Variants in CNTLN observed in about 807,000 individuals in gnomAD.
CNTLN encodes the protein centlein, also known as centlein, centrosomal protein.
Under a neutral mutation model 180.0 loss-of-function variants are expected in CNTLN, and 212 were observed. The observed-to-expected ratio is 1.18, with a 90% CI of 1.05 to 1.32. The LOEUF is 1.32. Among genes scored for constraint, CNTLN ranks in the 40% most tolerant of loss-of-function variants. The pLI is 0.00. For missense variants in CNTLN, 2,095 were observed against 1,610.9 expected (o/e 1.30, Z -5.14); for synonymous variants, 722 against 563.1 (o/e 1.28, Z -3.99).
chr9:17,205,766 G>C (rs917263530), intron 2 of CNTLN, among the ~76,000 whole-genome samples: 3 of 152,202 alleles, frequency 2.0e-5, no homozygotes, highest in Admixed American at 1.3e-4. Flanking sequence ...ATACTGGGAA[G>C]ATATCTGAAT....
intron 2 of CNTLN, among the ~76,000 whole-genome samples, chr9:17,201,923 T>C (rs1441530113): frequency 6.6e-6 from 1 of 152,194 alleles, no homozygotes; most frequent in South Asian, 2.1e-4. Flanking sequence ...TTAATTGACA[T>C]GTTAGGGTGT....
chr9:17,521,307 T>C, the CNTLN span, among the ~76,000 whole-genome samples: 1 of 42,592 alleles, frequency 2.3e-5, no homozygotes, highest in Non-Finnish European at 6.6e-5. Flanking sequence ...AAATGGAACA[T>C]AAAGAATGGT....
At chr9:17,449,361 C>A (rs900496245) in intron 18 of CNTLN, among the ~76,000 whole-genome samples, 2 of 145,476 alleles carry the variant, frequency 1.4e-5, no homozygotes, top group Non-Finnish European at 3.0e-5. Flanking sequence ...TGAGTGAGAA[C>A]ATGCGGTGTT....
chr9:17,486,965 A>G (rs748853609), intron 24 of CNTLN, 24 bp from the exon 25 acceptor site: 24 of 1,294,724 alleles, frequency 1.9e-5, no homozygotes, highest in Non-Finnish European at 2.6e-5. Flanking sequence ...CGTTAACACC[A>G]GTGTTTTTAT....
chr9:17,292,939 C>T (rs77783692), intron 6 of CNTLN, among the ~76,000 whole-genome samples: 1 of 152,170 alleles, frequency 6.6e-6, no homozygotes, highest in Non-Finnish European at 1.5e-5. Context: ...TAGCTTTGAT[C>T]TTTCAGTTTG....
chr9:17,349,621 G>A (rs1822195991), intron 12 of CNTLN, among the ~76,000 whole-genome samples: 1 of 152,082 alleles, frequency 6.6e-6, no homozygotes, highest in South Asian at 2.1e-4. Flanking sequence ...AATATTAGTT[G>A]CTGCTATCGC....
At chr9:17,518,087 G>C in the CNTLN span, among the ~76,000 whole-genome samples, 1 of 110,302 alleles carries the variant, frequency 9.1e-6, no homozygotes, top group Non-Finnish European at 1.7e-5. Flanking sequence ...TTGTCACCCA[G>C]GCTGGAGCAC....
chr9:17,141,753 T>G (rs1367741048), intron 1 of CNTLN, among the ~76,000 whole-genome samples: 3 of 152,022 alleles, frequency 2.0e-5, no homozygotes, highest in Non-Finnish European at 4.4e-5. Context: ...CAGTAGGGTT[T>G]ATTGATGATT....
intron 18 of CNTLN, among the ~76,000 whole-genome samples, chr9:17,441,609 TCAATGAAATA>T (rs899476439): frequency 7.4e-6 from 1 of 134,516 alleles, no homozygotes; most frequent in African/African-American, 2.8e-5. Context: ...AAAAAAAAAA[TCAATGAAATA>T]CAATGAAAGA....
intron 13 of CNTLN, among the ~76,000 whole-genome samples, chr9:17,369,273 T>C (rs933353059): frequency 6.6e-6 from 1 of 152,108 alleles, no homozygotes. Context: ...CCTTCCACCA[T>C]GATTATTAGT....
intron 25 of CNTLN, among the ~76,000 whole-genome samples, chr9:17,500,285 A>G (rs1037624023): frequency 2.0e-5 from 3 of 152,230 alleles, no homozygotes; most frequent in African/African-American, 7.2e-5. Flanking sequence ...TGGACTTCCC[A>G]TTCCACATTG....
At chr9:17,316,839 A>G (rs1819571041) in intron 8 of CNTLN, among the ~76,000 whole-genome samples, 1 of 152,120 alleles carries the variant, frequency 6.6e-6, no homozygotes, top group East Asian at 1.9e-4. Flanking sequence ...GGGGATTATA[A>G]CTAACAATTT....
At chr9:17,471,361 G>C (rs1415090703) in intron 23 of CNTLN, among the ~76,000 whole-genome samples, 2 of 151,948 alleles carry the variant, frequency 1.3e-5, no homozygotes, top group Non-Finnish European at 2.9e-5. Flanking sequence ...GGCAGAAGTG[G>C]GATCGTGTAC....
intron 12 of CNTLN, among the ~76,000 whole-genome samples, chr9:17,346,288 C>T (rs549327221): frequency 3.9e-5 from 6 of 152,118 alleles, no homozygotes; most frequent in South Asian, 2.1e-4. Flanking sequence ...ATGAGAACTG[C>T]CCCCATGATC....
chr9:17,278,579 C>T (rs1336434736), intron 6 of CNTLN, among the ~76,000 whole-genome samples: 1 of 151,936 alleles, frequency 6.6e-6, no homozygotes, highest in Non-Finnish European at 1.5e-5. Flanking sequence ...TTTTTCCTTC[C>T]CATATAATTT....
chr9:17,349,560 A>T (rs1822190835), intron 12 of CNTLN, among the ~76,000 whole-genome samples: 1 of 152,150 alleles, frequency 6.6e-6, no homozygotes, highest in African/African-American at 2.4e-5. Context: ...TAAAAATATA[A>T]TGCTACCACT....
rs76542378 is a variant in CNTLN at position 17,309,110 on chromosome 9, T to C, written c.1199T>C (p.Met400Thr). 5,326 of 1,607,308 alleles carry C rather than the reference T, an allele frequency of 3.3e-3. 155 individuals are homozygous for C. The African/African-American group carries it at 0.063, about 19-fold the overall frequency. ...GAAACCACAAAATCAAATGAAGCTA[T>C]GCTCCGGCAAAGTGTTACTAATCTT... The part of the protein sequence containing the change: ...CFETTKSNEA[M>T]LRQSVTNLQD... Residue 400 changes from methionine to threonine, a missense_variant, in exon 8 of 26, where the codon ATG (methionine) becomes ACG (threonine). Transcript: ENST00000380647.
At chr9:17,173,987 T>C (rs1820565834) in intron 2 of CNTLN, among the ~76,000 whole-genome samples, 1 of 152,316 alleles carries the variant, frequency 6.6e-6, no homozygotes, top group South Asian at 2.1e-4. Flanking sequence ...CTTCACTCTT[T>C]ATGCTCCACA....
chr9:17,522,262 A>T, the CNTLN span, among the ~76,000 whole-genome samples: 1 of 152,286 alleles, frequency 6.6e-6, no homozygotes, highest in East Asian at 1.9e-4. Context: ...CATACAATTT[A>T]GGTGCGTAAT....
Sources: gnomAD v4.1 joint callset for allele counts (sites outside exome capture counted in the v4.1 genomes callset) on GRCh38, gnomAD v4.1.1 for gene constraint, MANE v1.5 for transcripts, NCBI Gene and HGNC (gene_info 2026-07-23, HGNC 2026-07-21) for gene names.